ITGA2: variants seen among roughly 807,000 people sequenced by gnomAD.
ITGA2 encodes the protein integrin subunit alpha 2, also known as integrin alpha-2.
In ITGA2, 101 loss-of-function variants were observed where a neutral mutation model predicts 146.3. That is an observed-to-expected ratio of 0.69 (90% CI 0.59 to 0.81). The LOEUF is 0.81. Ranked by LOEUF, ITGA2 falls within the 40% of genes least tolerant of loss-of-function variation. ITGA2 has a pLI of 0.00. For missense variants in ITGA2, 1,281 were observed against 1,402.7 expected (o/e 0.91, Z 1.39); for synonymous variants, 477 against 487.1 (o/e 0.98, Z 0.27).
chr5:53,085,202 T>C (rs1304292680), intron 27 of ITGA2, among the ~76,000 whole-genome samples: 1 of 152,258 alleles, frequency 6.6e-6, no homozygotes, highest in Non-Finnish European at 1.5e-5. Flanking sequence ...AACCCATTAA[T>C]GCACTGCCTT....
At position 53,090,791 on chromosome 5, in the gene ITGA2, A is replaced by C; in HGVS notation, c.*192A>C. 1 of 597,476 alleles carries C rather than the reference A, an allele frequency of 1.7e-6. No individual in the cohort carries two copies. The highest frequency in any genetic ancestry group is 1.9e-5 in the African/African-American group (1 of 53,038). 37.0% of individuals were successfully genotyped at this position (597,476 alleles called of 1,614,324 possible). On this transcript the variant is annotated 3_prime_UTR_variant, in exon 30 of 30. Coordinates refer to ENST00000296585, the MANE Select transcript of ITGA2 (RefSeq NM_002203.4). Reference sequence around the variant, plus strand: ...GGGGGGTGGGGGAGGTGCGGGGGGCAGGTAGGGAAATAATAGGGAAAATAC... The same window carrying C: ...GGGGGGTGGGGGAGGTGCGGGGGGCCGGTAGGGAAATAATAGGGAAAATAC...
intron 15 of ITGA2, among the ~76,000 whole-genome samples, chr5:53,066,715 A>G (rs1468706385): frequency 6.6e-6 from 1 of 151,940 alleles, no homozygotes; most frequent in African/African-American, 2.4e-5. Flanking sequence ...AATGAAGTAC[A>G]TTATTTTTAT....
In ITGA2 at chr5:53,072,049, G is replaced by T. The variant is rs1745425633; in HGVS notation, c.2346+1G>T. ...TTCTGAGACTGCCAAGGTCTTCAGT[G>T]TAAGTGCAGCTTACACTTCCTGGAT... On this transcript the variant is annotated splice_donor_variant, in intron 18 of 29. Coordinates refer to ENST00000296585, the MANE Select transcript of ITGA2 (RefSeq NM_002203.4). LOFTEE classifies it high-confidence loss of function. 1 of 1,598,634 alleles carries T rather than the reference G, an allele frequency of 6.3e-7. No individual in the cohort carries two copies. Among genetic ancestry groups the T allele is most frequent in the African/African-American group, 1.3e-5 (1 of 74,478 alleles).
At chr5:53,038,245 C>T (rs1743590841) in intron 2 of ITGA2, among the ~76,000 whole-genome samples, 2 of 151,114 alleles carry the variant, frequency 1.3e-5, no homozygotes, top group Non-Finnish European at 2.9e-5. Flanking sequence ...AGATCAGACA[C>T]ACTTCTCTGT....
chr5:53,082,792 T>A (rs1745987776), intron 26 of ITGA2, among the ~76,000 whole-genome samples: 1 of 152,150 alleles, frequency 6.6e-6, no homozygotes, highest in African/African-American at 2.4e-5. Flanking sequence ...TATCATACAG[T>A]GTATATTCAC....
At position 53,023,302 on chromosome 5, in the gene ITGA2, C is replaced by T. The variant is rs147661854; in HGVS notation, c.65-3446C>T. ...TCTTCTCTTTCACACCCTATGCCTA[C>T]GTTTAACATGATGTTCCCGGTGCCT... On this transcript the variant is annotated intron_variant, in intron 1 of 29. Transcript: ENST00000296585. 5.5e-3 allele frequency among the ~76,000 whole-genome samples: 830 copies of T among 152,268 alleles called. 5 individuals are homozygous for T. Among genetic ancestry groups the T allele is most frequent in the Middle Eastern group, 0.01 (3 of 294 alleles).
chr5:53,005,447 T>C (rs1184584562), intron 1 of ITGA2, among the ~76,000 whole-genome samples: 1 of 151,954 alleles, frequency 6.6e-6, no homozygotes, highest in Non-Finnish European at 1.5e-5. Flanking sequence ...CCAAGCATTG[T>C]AGCAGGTGCC....
chr5:53,010,180 C>T (rs545276148), intron 1 of ITGA2, among the ~76,000 whole-genome samples: 13 of 152,116 alleles, frequency 8.5e-5, no homozygotes, highest in Admixed American at 6.6e-4. Context: ...GGCATGAATC[C>T]TGCATTACCT....
intron 1 of ITGA2, among the ~76,000 whole-genome samples, chr5:53,004,897 T>TG (rs1361487161): frequency 7.9e-5 from 1 of 12,648 alleles, no homozygotes; most frequent in Non-Finnish European, 3.4e-4. Context: ...TTGCTTTGTT[T>TG]TTTTTTTTTT....
Position 53,091,810 on chromosome 5 carries a change from TA to T in ITGA2, c.*1214del, listed in dbSNP as rs1336361003. 6.6e-6 allele frequency: 1 copy of T among 152,220 alleles called. No individual in the cohort carries two copies. Among genetic ancestry groups the T allele is most frequent in the African/African-American group, 2.4e-5 (1 of 41,458 alleles). The allele number at this position is 152,220 out of a possible 1,614,324, so 9.4% of individuals were successfully genotyped here. On this transcript the variant is annotated 3_prime_UTR_variant, in exon 30 of 30. Transcript: ENST00000296585. ...AGAAAAATAAGCTCGAGTGAATTTC[TA>T]AATGTTGGAATGTTATGGGATGTAA...
chr5:53,056,621 T>G (rs571024036), intron 9 of ITGA2, among the ~76,000 whole-genome samples: 3 of 152,130 alleles, frequency 2.0e-5, no homozygotes, highest in Admixed American at 6.6e-5. Context: ...ATTCTTGAAT[T>G]TGTTTACAGT....
At chr5:53,051,693 GA>G (rs1485260803) in intron 7 of ITGA2, 134 bp downstream of exon 7, 7 of 908,680 alleles carry the variant, frequency 7.7e-6, no homozygotes, top group Middle Eastern at 3.1e-4. Flanking sequence ...AACTAATAAA[GA>G]AAAAAACATC....
In ITGA2 at chr5:53,090,559, A is replaced by C. The variant is rs1368955570; in HGVS notation, c.3506A>C (p.Asn1169Thr). ...FKRKYEKMTK[N>T]PDEIDETTEL... ...AGAAAATATGAAAAGATGACCAAAA[A>C]TCCAGATGAGATTGATGAGACCACA... is the stretch of plus-strand genomic sequence containing the variant. Residue 1169 changes from asparagine (N) to threonine (T), a missense_variant, in exon 30 of 30, where the codon AAT (asparagine) becomes ACT (threonine). Physicochemically the swap from Asn to Thr is moderately conservative, Grantham distance 65. This residue lies in a region of ITGA2 where 475 missense variants were observed against 530.5 expected (regional missense o/e 0.90). Transcript: ENST00000296585. The C allele has an allele frequency of 1.2e-6, 2 of 1,613,974 alleles. No homozygotes were observed. Among genetic ancestry groups the C allele is most frequent in the African/African-American group, 1.3e-5 (1 of 74,904 alleles).
chr5:52,993,532 A>C (rs574225006), intron 1 of ITGA2, among the ~76,000 whole-genome samples: 9 of 152,194 alleles, frequency 5.9e-5, no homozygotes, highest in Non-Finnish European at 1.2e-4. Flanking sequence ...GGTAGATTTC[A>C]ACATCAAGAG....
intron 19 of ITGA2, 127 bp downstream of exon 19, chr5:53,072,822 A>T: frequency 1.2e-6 from 1 of 842,444 alleles, no homozygotes; most frequent in South Asian, 1.6e-5. Context: ...ATACCTTTAA[A>T]AACTAAATTT....
At chr5:53,082,700 C>T (rs1042606442) in intron 26 of ITGA2, among the ~76,000 whole-genome samples, 7 of 152,122 alleles carry the variant, frequency 4.6e-5, no homozygotes, top group African/African-American at 1.7e-4. Context: ...CCATAGTTTA[C>T]ATTAGGGTTC....
At chr5:53,053,549 C>T (rs185525427) in intron 7 of ITGA2, among the ~76,000 whole-genome samples, 30 of 152,216 alleles carry the variant, frequency 2.0e-4, no homozygotes, top group African/African-American at 7.0e-4. Flanking sequence ...GCCTGGGGCC[C>T]TGGCGAGCTT....
chr5:53,066,859 C>T lies in ITGA2; in HGVS notation c.1944-259C>T, dbSNP rs182389512. Among the ~76,000 whole-genome samples, 233 of 151,868 alleles carry T rather than the reference C, an allele frequency of 1.5e-3. 1 individual carries two copies. In the South Asian group the frequency reaches 0.027, roughly 17 times the overall value. On this transcript the variant is annotated intron_variant, in intron 15 of 29. Coordinates refer to ENST00000296585, the MANE Select transcript of ITGA2 (RefSeq NM_002203.4). ...GAGTAGCATATCAAGAGTAAATACA[C>T]ATATCCCAGAACCTAAAGTATAATA...
At chr5:53,080,990 G>A (rs3212615) in intron 25 of ITGA2, among the ~76,000 whole-genome samples, 16,738 of 152,096 alleles carry the variant, frequency 0.11, 1,132 homozygotes, top group African/African-American at 0.18. Context: ...CTGGACTTTC[G>A]CCTGGTAATA....
Sources: gnomAD v4.1 joint callset for allele counts (sites outside exome capture counted in the v4.1 genomes callset) on GRCh38, gnomAD v4.1.1 for gene constraint, gnomAD v4.1.1 regional missense constraint, MANE v1.5 for transcripts, NCBI Gene and HGNC (gene_info 2026-07-23, HGNC 2026-07-21) for gene names.